The following LCA5L variants were observed in gnomAD, a reference collection of about 807,000 sequenced individuals.
The protein encoded by LCA5L is lebercilin-like protein.
In LCA5L, 35 loss-of-function variants were observed where a neutral mutation model predicts 45.4. The ratio of observed to expected loss-of-function variants is 0.77; its 90% confidence interval spans 0.59 to 1.02. The LOEUF (loss-of-function observed/expected upper bound fraction) is 1.02, where lower values mean the gene tolerates loss of function less well. Ranked by LOEUF, LCA5L falls within the 50% of genes least tolerant of loss-of-function variation. LCA5L has a pLI of 0.00. For synonymous variants in LCA5L, 233 were observed against 264.7 expected, an observed-to-expected ratio of 0.88 and a Z score of 1.16; for missense variants, 668 against 761.6, an observed-to-expected ratio of 0.88 and a Z score of 1.45.
intron 4 of LCA5L, 62 bp from the exon 5 acceptor site, chr21:39,428,565 C>G: frequency 3.7e-6 from 1 of 266,956 alleles, no homozygotes; most frequent in African/African-American, 3.4e-5. Context: ...TTAAAATGAA[C>G]CTATGCTTTA....
chr21:39,417,285 C>T (rs2041374337), intron 7 of LCA5L, among the ~76,000 whole-genome samples: 1 of 152,156 alleles, frequency 6.6e-6, no homozygotes, highest in Non-Finnish European at 1.5e-5. Context: ...GGTGATCCGC[C>T]CACCTTGGCC....
intron 4 of LCA5L, 93 bp from the exon 5 acceptor site, chr21:39,428,596 A>ATTTTTTT (rs1336817253): frequency 3.0e-5 from 1 of 33,458 alleles, no homozygotes; most frequent in Non-Finnish European, 6.1e-5. Flanking sequence ...ATATATATAT[A>ATTTTTTT]TATTTTTTTT....
Position 39,423,343 on chromosome 21 carries a change from T to G in LCA5L, c.470A>C (p.Glu157Ala). Residue 157 changes from glutamate to alanine, a missense_variant, in exon 6 of 11, where the codon GAA becomes GCA. Glu to Ala is a moderately radical substitution (Grantham distance 107). Transcript: ENST00000288350. ...RLHKIKGLKN[E>A]LADMHHKLEA... ...CAATTTATGATGCATATCAGCTAAT[T>G]CATTTTTTAGTCCTTTAATTTTATG... 1 of 1,613,186 alleles carries G rather than the reference T, an allele frequency of 6.2e-7. No individual in the cohort carries two copies. The highest frequency in any genetic ancestry group is 8.5e-7 in the Non-Finnish European group (1 of 1,179,908).
At chr21:39,441,754 A>G (rs1468970904) in intron 2 of LCA5L, among the ~76,000 whole-genome samples, 1 of 152,204 alleles carries the variant, frequency 6.6e-6, no homozygotes, top group Admixed American at 6.5e-5. Context: ...ATCTTTACAC[A>G]AGTACCCGTT....
chr21:39,427,384 C>T (rs887522631), intron 5 of LCA5L, among the ~76,000 whole-genome samples: 3 of 152,116 alleles, frequency 2.0e-5, no homozygotes, highest in Admixed American at 6.6e-5. Context: ...TACAAAGAGC[C>T]GGGCGCGGTG....
chr21:39,431,285 T>C (rs899755692), intron 3 of LCA5L, among the ~76,000 whole-genome samples: 69 of 152,178 alleles, frequency 4.5e-4, no homozygotes, highest in African/African-American at 1.5e-3. Context: ...AGGATCCTTA[T>C]AGCTAGAAGT....
At chr21:39,421,065 GTTTT>G (rs913759969) in intron 6 of LCA5L, among the ~76,000 whole-genome samples, 33 of 147,280 alleles carry the variant, frequency 2.2e-4, no homozygotes, top group Admixed American at 1.9e-3. Flanking sequence ...TTTGGAGCCT[GTTTT>G]TTACATACTC....
Position 39,405,848 on chromosome 21 carries a change from A to G in LCA5L, c.*34T>C. 1.4e-6 allele frequency: 2 copies of G among 1,449,648 alleles called. No homozygotes were observed. The highest frequency in any genetic ancestry group is 1.9e-6 in the Non-Finnish European group (2 of 1,076,940). The allele number at this position is 1,449,648 out of a possible 1,614,324, so 89.8% of individuals were successfully genotyped here. Reference sequence around the variant, plus strand: ...ATGCAAGGCACATAAGCAGCATTATATCAAACCAGAATGCATTAGGATATT... The same window carrying G: ...ATGCAAGGCACATAAGCAGCATTATGTCAAACCAGAATGCATTAGGATATT... On this transcript the variant is annotated 3_prime_UTR_variant, in exon 11 of 11. Coordinates refer to ENST00000288350, the MANE Select transcript of LCA5L (RefSeq NM_152505.4).
At chr21:39,426,214 G>GT (rs1316199191) in intron 5 of LCA5L, among the ~76,000 whole-genome samples, 39 of 152,066 alleles carry the variant, frequency 2.6e-4, no homozygotes, top group Admixed American at 2.5e-3. Flanking sequence ...CTTCAGAAAG[G>GT]TAAGTACACC....
At chr21:39,423,993 A>T (rs2147763750) in intron 5 of LCA5L, among the ~76,000 whole-genome samples, 1 of 152,220 alleles carries the variant, frequency 6.6e-6, no homozygotes, top group African/African-American at 2.4e-5. Flanking sequence ...CCATCTCTAA[A>T]AAACAATTTT....
chr21:39,432,452 G>A (rs924465746), intron 3 of LCA5L, among the ~76,000 whole-genome samples: 9 of 152,098 alleles, frequency 5.9e-5, no homozygotes, highest in South Asian at 2.1e-4. Flanking sequence ...CTTACTGAGC[G>A]TACATATTTA....
In LCA5L at chr21:39,421,101, G is replaced by T. The variant is rs111299354; in HGVS notation, c.838-258C>A. On this transcript the variant is annotated intron_variant, in intron 6 of 10. Transcript: ENST00000288350. ...ACTCTAAAATTTGATTTAACAATTC[G>T]TTTTTTTTTTTTTTTTTCTAAGTTG... 3.0e-3 allele frequency among the ~76,000 whole-genome samples: 373 copies of T among 125,398 alleles called. 4 individuals carry two copies. The highest frequency in any genetic ancestry group is 8.4e-3 in the African/African-American group (297 of 35,546). The allele number at this position is 125,398 out of a possible 152,430, so 82.3% of individuals were successfully genotyped here. A position where few individuals can be genotyped will look rare whatever the true frequency, so the allele number is the denominator to read the frequency against.
chr21:39,423,327 A>G lies in LCA5L; in HGVS notation c.486T>C (p.His162=), dbSNP rs1235880937. ...KGLKNELADM[H]HKLEAILTEN... is the part of the protein sequence containing the mutation. ...CTGTAAGGATGGCTTCCAATTTATG[A>G]TGCATATCAGCTAATTCATTTTTTA... Residue 162 remains histidine, a synonymous_variant, in exon 6 of 11, where the codon CAT becomes CAC. Coordinates refer to ENST00000288350, the MANE Select transcript of LCA5L (RefSeq NM_152505.4). 1 of 1,612,936 alleles carries G rather than the reference A, an allele frequency of 6.2e-7. No homozygotes were observed. The highest frequency in any genetic ancestry group is 1.1e-5 in the South Asian group (1 of 90,746).
Position 39,406,133 on chromosome 21 carries a change from C to A in LCA5L, c.1762G>T (p.Asp588Tyr). ...FGKSSRIKVK[D>Y]TTFRDKKSSL... ...CTTTTCTTATCTCTGAAAGTTGTATCCTTCACTTTTATTCTGGAAGACTTA... is the reference window on the plus strand; with the variant it reads ...CTTTTCTTATCTCTGAAAGTTGTATACTTCACTTTTATTCTGGAAGACTTA... The change falls in exon 11 of 11, where the codon GAT (aspartate) becomes TAT (tyrosine). Residue 588 changes from aspartate (D) to tyrosine (Y), a missense_variant. Asp to Tyr is a radical substitution (Grantham distance 160). Transcript: ENST00000288350. The A allele has an allele frequency of 6.2e-7, 1 of 1,614,214 alleles. No homozygotes were observed. Among genetic ancestry groups the A allele is most frequent in the Non-Finnish European group, 8.5e-7 (1 of 1,180,044 alleles).
rs149751803 is a variant in LCA5L, at chr21:39,442,890, G to A, written c.-246+1245C>T. 7.2e-3 allele frequency among the ~76,000 whole-genome samples: 1,090 copies of A among 152,308 alleles called. 8 individuals carry two copies. Among genetic ancestry groups the A allele is most frequent in the Non-Finnish European group, 0.012 (818 of 68,036 alleles). On this transcript the variant is annotated intron_variant, in intron 2 of 10. Coordinates refer to ENST00000288350, the MANE Select transcript of LCA5L (RefSeq NM_152505.4). ...GCGTGTGAATCTGTGCCTTGTGCTAGATGAAGGGGCGCAATGGAGAATAAA... is the reference window on the plus strand; with the variant it reads ...GCGTGTGAATCTGTGCCTTGTGCTAAATGAAGGGGCGCAATGGAGAATAAA...
At chr21:39,414,734 C>CTGTGTG (rs1446676855) in intron 7 of LCA5L, among the ~76,000 whole-genome samples, 73 of 103,258 alleles carry the variant, frequency 7.1e-4, no homozygotes, top group African/African-American at 2.3e-3. Flanking sequence ...CTCTCTCTCT[C>CTGTGTG]TCTCTCTCTG....
chr21:39,408,920 G>A (rs2039581744), intron 10 of LCA5L, among the ~76,000 whole-genome samples: 1 of 152,238 alleles, frequency 6.6e-6, no homozygotes, highest in African/African-American at 2.4e-5. Context: ...TGCTCAGCTG[G>A]ATTTGAATAA....
chr21:39,443,006 A>G (rs1569135026), intron 2 of LCA5L, among the ~76,000 whole-genome samples: 1 of 152,180 alleles, frequency 6.6e-6, no homozygotes, highest in Non-Finnish European at 1.5e-5. Context: ...AAAGCAGAAG[A>G]GTCAGGGATG....
chr21:39,433,902 T>C (rs1427966060), intron 3 of LCA5L, among the ~76,000 whole-genome samples: 1 of 145,272 alleles, frequency 6.9e-6, no homozygotes, highest in African/African-American at 2.5e-5. Context: ...GTAGCTGGAC[T>C]ACAGGTCCAT....
Sources: gnomAD v4.1 joint callset for allele counts (sites outside exome capture counted in the v4.1 genomes callset) on GRCh38, gnomAD v4.1.1 for gene constraint, MANE v1.5 for transcripts, NCBI Gene and HGNC (gene_info 2026-07-23, HGNC 2026-07-21) for gene names.